TEKT2: variants seen among roughly 807,000 people sequenced by gnomAD.
TEKT2 encodes tektin 2, also known as tektin-2.
In TEKT2, 45 loss-of-function variants were observed where a neutral mutation model predicts 49.8. The observed-to-expected ratio is 0.90, with a 90% CI of 0.71 to 1.16. The LOEUF is 1.16. TEKT2 is among the 50% of genes most tolerant of loss of function. The pLI, the probability that TEKT2 is intolerant of heterozygous loss-of-function variation, is 0.00. For missense variants in TEKT2, 523 were observed against 551.4 expected, an observed-to-expected ratio of 0.95 and a Z score of 0.52; for synonymous variants, 202 against 224.6, an observed-to-expected ratio of 0.90 and a Z score of 0.90.
At position 36,087,052 on chromosome 1, in the gene TEKT2, G is replaced by A. The variant is rs1210979347; in HGVS notation, c.747+7G>A. ...TGCTCTAACTATTGCTGAGGTGACAGGCCACCCACAGCTAATGGATGGTCC... is the reference window on the plus strand; with the variant it reads ...TGCTCTAACTATTGCTGAGGTGACAAGCCACCCACAGCTAATGGATGGTCC... On this transcript the variant is annotated splice_region_variant and intron_variant, in intron 6 of 9. Transcript: ENST00000207457. The surrounding 1 kb of genome is among the most constrained non-coding windows in gnomAD (Gnocchi z 4.9). 1.9e-6 allele frequency: 3 copies of A among 1,613,450 alleles called. No homozygotes were observed. The highest frequency in any genetic ancestry group is 1.1e-5 in the South Asian group (1 of 91,004).
Position 36,084,667 on chromosome 1 carries a change from G to A in TEKT2, c.-52-203G>A, listed in dbSNP as rs1447994898. Among the ~76,000 whole-genome samples the A allele has an allele frequency of 6.6e-6, 1 of 151,980 alleles. No homozygotes were observed. The highest frequency in any genetic ancestry group is 2.4e-5 in the African/African-American group (1 of 41,386). ...TGCTCCAGGACCTGCAAGGTCCAGG[G>A]GTTTGTGTCCGCCTGGGGACGGGAG... On this transcript the variant is annotated intron_variant, in intron 1 of 9. Transcript: ENST00000207457. The surrounding 1 kb of genome is among the most constrained non-coding windows in gnomAD (Gnocchi z 4.1).
Position 36,085,994 on chromosome 1 carries a change from C to CA in TEKT2, c.443dup (p.Lys149GlufsTer56). 6.2e-7 allele frequency: 1 copy of CA among 1,607,036 alleles called. No individual in the cohort carries two copies. Among genetic ancestry groups the CA allele is most frequent in the Non-Finnish European group, 8.5e-7 (1 of 1,176,636 alleles). ...AAGAGGTGGAGGTCATCGAGGCCAC[C>CA]AAGAAGGCCTTGCAACAGAAGGTCA... On this transcript the variant is annotated frameshift_variant, in exon 4 of 10. Transcript: ENST00000207457. LOFTEE classifies it high-confidence loss of function.
chr1:36,084,807 AG>A lies in TEKT2; in HGVS notation c.-52-58del, dbSNP rs535498743. ...AAATGGACAGGAACAAGTCCTGCGC[AG>A]GGGGCGTGTGATCCAGGAGGTCTCC... On this transcript the variant is annotated intron_variant, in intron 1 of 9. Transcript: ENST00000207457. This position sits in a 1 kb window ranked among gnomAD's most constrained non-coding sequence, Gnocchi z 4.1. 4.6e-4 allele frequency: 694 copies of A among 1,493,282 alleles called. 5 individuals carry two copies. In the African/African-American group the frequency reaches 7.8e-3, roughly 17 times the overall value. The allele number at this position is 1,493,282 out of a possible 1,614,324, so 92.5% of individuals were successfully genotyped here.
In TEKT2 at chr1:36,085,000, A is replaced by G. The variant is rs1295474656; in HGVS notation, c.79A>G (p.Asn27Asp). The G allele has an allele frequency of 4.3e-6, 7 of 1,614,010 alleles. No individual in the cohort carries two copies. The highest frequency in any genetic ancestry group is 5.9e-6 in the Non-Finnish European group (7 of 1,180,030). Residue 27 changes from asparagine to aspartate, a missense_variant, in exon 2 of 10, where the codon AAT (asparagine) becomes GAT (aspartate). Transcript: ENST00000207457. The surrounding 1 kb of genome is among the most constrained non-coding windows in gnomAD (Gnocchi z 4.1). ...WHTNSYLLST[N>D]AQLQRDASHQ... ...CACTAACAGCTACCTGCTATCCACC[A>G]ATGCCCAGCTGCAGCGAGATGCTTC...
At position 36,087,384 on chromosome 1, in the gene TEKT2, A is replaced by C; in HGVS notation, c.856-55A>C. On this transcript the variant is annotated intron_variant, in intron 7 of 9. Coordinates refer to ENST00000207457, the MANE Select transcript of TEKT2 (RefSeq NM_014466.3). The surrounding 1 kb of genome is among the most constrained non-coding windows in gnomAD (Gnocchi z 4.9). Reference sequence around the variant, plus strand: ...GCATGCCCCCGCCAGGAGGCACTGGACCAGGCATGCACGTGAGTCCAGCAG... The same window carrying C: ...GCATGCCCCCGCCAGGAGGCACTGGCCCAGGCATGCACGTGAGTCCAGCAG... 1 of 1,613,860 alleles carries C rather than the reference A, an allele frequency of 6.2e-7. No individual in the cohort carries two copies.
chr1:36,086,667 TGG>T (rs772975327), intron 4 of TEKT2, 35 bp from the exon 5 acceptor site: 4 of 1,613,714 alleles, frequency 2.5e-6, no homozygotes. Context: ...CTCTGGCCCT[TGG>T]GGGATGGTCC....
chr1:36,086,698 C>T lies in TEKT2; in HGVS notation c.489-6C>T, dbSNP rs1570001352. The T allele has an allele frequency of 1.2e-6, 2 of 1,613,938 alleles. No individual in the cohort carries two copies. The highest frequency in any genetic ancestry group is 4.5e-5 in the East Asian group (2 of 44,886). On this transcript the variant is annotated splice_region_variant and splice_polypyrimidine_tract_variant and intron_variant, in intron 4 of 9. Coordinates refer to ENST00000207457, the MANE Select transcript of TEKT2 (RefSeq NM_014466.3). ...ATGGTCCTGATGGAGTCTGCGCTTT[C>T]CCCAGCCTCTTGCAGGAAGTCCAAC...
At position 36,087,213 on chromosome 1, in the gene TEKT2, G is replaced by A. The variant is rs768830702; in HGVS notation, c.757G>A (p.Glu253Lys). The change falls in exon 7 of 10, where the codon GAG becomes AAG. Residue 253 changes from glutamate to lysine, a missense_variant. Physicochemically the swap from Glu to Lys is moderately conservative, Grantham distance 56. Coordinates refer to ENST00000207457, the MANE Select transcript of TEKT2 (RefSeq NM_014466.3). The surrounding 1 kb of genome is among the most constrained non-coding windows in gnomAD (Gnocchi z 4.9). ...TALTIAETNN[E>K]LEAQRVATEF... The stretch of plus-strand genomic sequence containing the variant: ...GTGTTTTCTCCTTCAGACCAACAAC[G>A]AGCTTGAAGCCCAGAGAGTTGCAAC... The A allele has an allele frequency of 9.3e-6, 15 of 1,614,110 alleles. No individual in the cohort carries two copies. Among genetic ancestry groups the A allele is most frequent in the East Asian group, 2.2e-5 (1 of 44,878 alleles).
At position 36,087,988 on chromosome 1, in the gene TEKT2, C is replaced by T; in HGVS notation, c.1095C>T (p.Ala365=). The T allele has an allele frequency of 1.9e-6, 3 of 1,610,836 alleles. No individual in the cohort carries two copies. The highest frequency in any genetic ancestry group is 2.5e-6 in the Non-Finnish European group (3 of 1,179,138). ...KLAQAQDALD[A]LCKHLARLQA... Reference sequence around the variant, plus strand: ...CCTTCCCTAGGGACGCACTGGACGCCCTGTGCAAGCACCTGGCCCGGCTGC... The same window carrying T: ...CCTTCCCTAGGGACGCACTGGACGCTCTGTGCAAGCACCTGGCCCGGCTGC... Residue 365 remains alanine (A), a synonymous_variant, in exon 10 of 10, where the codon GCC becomes GCT. Coordinates refer to ENST00000207457, the MANE Select transcript of TEKT2 (RefSeq NM_014466.3). This position sits in a 1 kb window ranked among gnomAD's most constrained non-coding sequence, Gnocchi z 4.9.
chr1:36,088,275 A>C lies in TEKT2; in HGVS notation c.*89A>C. On this transcript the variant is annotated 3_prime_UTR_variant, in exon 10 of 10. Coordinates refer to ENST00000207457, the MANE Select transcript of TEKT2 (RefSeq NM_014466.3). ...GAATGGAATAAATGCAGAGGATCTCAGGCCGGCTGTTCTCTGCCCCACTGT... is the reference window on the plus strand; with the variant it reads ...GAATGGAATAAATGCAGAGGATCTCCGGCCGGCTGTTCTCTGCCCCACTGT... 1.4e-4 allele frequency: 173 copies of C among 1,199,128 alleles called. No homozygotes were observed. The highest frequency in any genetic ancestry group is 2.6e-4 in the Middle Eastern group (1 of 3,792). The allele number at this position is 1,199,128 out of a possible 1,614,324, so 74.3% of individuals were successfully genotyped here.
rs750073870 is a variant in TEKT2, at chr1:36,087,061, C to G, written c.747+16C>G. ...TATTGCTGAGGTGACAGGCCACCCA[C>G]AGCTAATGGATGGTCCCAGTGTGCG... On this transcript the variant is annotated intron_variant, in intron 6 of 9. Transcript: ENST00000207457. This position sits in a 1 kb window ranked among gnomAD's most constrained non-coding sequence, Gnocchi z 4.9. 6.2e-7 allele frequency: 1 copy of G among 1,612,598 alleles called. No individual in the cohort carries two copies. The highest frequency in any genetic ancestry group is 1.7e-5 in the Admixed American group (1 of 59,968).
Position 36,087,870 on chromosome 1 carries a change from GGCT to G in TEKT2, c.1079+68_1079+70del. ...CTGCCCACAAATGGGGCCTCTTGCT[GGCT>G]GCTGGCTCCCTGGGGCTGTCTTCCT... On this transcript the variant is annotated intron_variant, in intron 9 of 9. Coordinates refer to ENST00000207457, the MANE Select transcript of TEKT2 (RefSeq NM_014466.3). The surrounding 1 kb of genome is among the most constrained non-coding windows in gnomAD (Gnocchi z 4.9). 6.2e-7 allele frequency: 1 copy of G among 1,600,018 alleles called. No individual in the cohort carries two copies. Among genetic ancestry groups the G allele is most frequent in the Non-Finnish European group, 8.5e-7 (1 of 1,173,006 alleles).
chr1:36,087,899 G>A lies in TEKT2; in HGVS notation c.1080-74G>A, dbSNP rs1643411024. The A allele has an allele frequency of 3.1e-6, 5 of 1,591,908 alleles. No homozygotes were observed. Among genetic ancestry groups the A allele is most frequent in the Non-Finnish European group, 4.3e-6 (5 of 1,169,006 alleles). On this transcript the variant is annotated intron_variant, in intron 9 of 9. Transcript: ENST00000207457. This position sits in a 1 kb window ranked among gnomAD's most constrained non-coding sequence, Gnocchi z 4.9. ...GCTGGCTCCCTGGGGCTGTCTTCCT[G>A]ACTGAAGGCTATGCACGCAGCCCAG...
chr1:36,087,906 G>A lies in TEKT2; in HGVS notation c.1080-67G>A. ...CCCTGGGGCTGTCTTCCTGACTGAAGGCTATGCACGCAGCCCAGGCCTCCC... is the reference window on the plus strand; with the variant it reads ...CCCTGGGGCTGTCTTCCTGACTGAAAGCTATGCACGCAGCCCAGGCCTCCC... On this transcript the variant is annotated intron_variant, in intron 9 of 9. Transcript: ENST00000207457. The surrounding 1 kb of genome is among the most constrained non-coding windows in gnomAD (Gnocchi z 4.9). 1 of 1,590,822 alleles carries A rather than the reference G, an allele frequency of 6.3e-7. No homozygotes were observed. The highest frequency in any genetic ancestry group is 8.6e-7 in the Non-Finnish European group (1 of 1,168,346).
At chr1:36,086,363 G>GT (rs1643373110) in intron 4 of TEKT2, among the ~76,000 whole-genome samples, 1 of 152,136 alleles carries the variant, frequency 6.6e-6, no homozygotes, top group African/African-American at 2.4e-5. Context: ...AGCTACATCC[G>GT]TGTGCCCCGC....
Position 36,087,676 on chromosome 1 carries a change from C to T in TEKT2, c.1000-52C>T. The T allele has an allele frequency of 6.2e-7, 1 of 1,612,220 alleles. No individual in the cohort carries two copies. The highest frequency in any genetic ancestry group is 8.5e-7 in the Non-Finnish European group (1 of 1,179,182). Reference sequence around the variant, plus strand: ...GGCACTGCTGTCAAGGGGCAGCACTCAGGTAAAGGACAGTGTGGCTGACTT... The same window carrying T: ...GGCACTGCTGTCAAGGGGCAGCACTTAGGTAAAGGACAGTGTGGCTGACTT... On this transcript the variant is annotated intron_variant, in intron 8 of 9. Coordinates refer to ENST00000207457, the MANE Select transcript of TEKT2 (RefSeq NM_014466.3). The surrounding 1 kb of genome is among the most constrained non-coding windows in gnomAD (Gnocchi z 4.9).
At chr1:36,086,898 C>G in intron 5 of TEKT2, 33 bp from the exon 6 acceptor site, 1 of 1,613,940 alleles carries the variant, frequency 6.2e-7, no homozygotes, top group Non-Finnish European at 8.5e-7. Flanking sequence ...CAGGCCACAC[C>G]CTCATGACCC....
rs1274350570 is a variant in TEKT2 at position 36,087,186 on chromosome 1, C to G, written c.748-18C>G. 7 of 1,613,852 alleles carry G rather than the reference C, an allele frequency of 4.3e-6. No individual in the cohort carries two copies. The highest frequency in any genetic ancestry group is 5.9e-6 in the Non-Finnish European group (7 of 1,179,964). On this transcript the variant is annotated intron_variant, in intron 6 of 9. Coordinates refer to ENST00000207457, the MANE Select transcript of TEKT2 (RefSeq NM_014466.3). The surrounding 1 kb of genome is among the most constrained non-coding windows in gnomAD (Gnocchi z 4.9). Reference sequence around the variant, plus strand: ...CCTGAGTGTAGACCCTCCCCTTGCCCTGTGTTTTCTCCTTCAGACCAACAA... The same window carrying G: ...CCTGAGTGTAGACCCTCCCCTTGCCGTGTGTTTTCTCCTTCAGACCAACAA...
chr1:36,085,747 T>C (rs758253789), intron 3 of TEKT2, 89 bp from the exon 4 acceptor site: 2 of 1,351,192 alleles, frequency 1.5e-6, no homozygotes, highest in South Asian at 1.2e-5. Flanking sequence ...CTCGAACTCC[T>C]GACCTCAAGT....
Sources: gnomAD v4.1 joint callset for allele counts (sites outside exome capture counted in the v4.1 genomes callset) on GRCh38, gnomAD v4.1.1 for gene constraint, Gnocchi (gnomAD v3.1) non-coding constraint, MANE v1.5 for transcripts, NCBI Gene and HGNC (gene_info 2026-07-23, HGNC 2026-07-21) for gene names.